AKAP7: variants seen among roughly 807,000 people sequenced by gnomAD.
The protein encoded by AKAP7 is A kinase (PRKA) anchor protein 7.
AKAP7 carries 39 observed loss-of-function variants against 39.5 expected under a neutral mutation model. The observed-to-expected ratio is 0.99, with a 90% CI of 0.76 to 1.29. The LOEUF (loss-of-function observed/expected upper bound fraction) is 1.29, where lower values mean the gene tolerates loss of function less well. Ranked by LOEUF, AKAP7 falls within the 50% of genes most tolerant of loss-of-function variation. The probability of loss-of-function intolerance (pLI) is 0.00; values close to 1 mark genes in which losing one functional copy is unlikely to be tolerated. For missense variants in AKAP7, 414 were observed against 407.7 expected (o/e 1.02, Z -0.13); for synonymous variants, 140 against 139.1 (o/e 1.01, Z -0.05).
At chr6:131,203,214 G>C (rs1585080317) in intron 6 of AKAP7, among the ~76,000 whole-genome samples, 1 of 152,276 alleles carries the variant, frequency 6.6e-6, no homozygotes, top group East Asian at 1.9e-4. Context: ...TTGGTATGTA[G>C]ATTATTTGAA....
At chr6:131,240,167 G>A (rs1811417481) in intron 7 of AKAP7, among the ~76,000 whole-genome samples, 1 of 152,184 alleles carries the variant, frequency 6.6e-6, no homozygotes. Context: ...TTTGCTGGAG[G>A]TCCACTCCAG....
At chr6:131,247,269 G>GTGTATATATATATATA (rs1244438178) in intron 7 of AKAP7, among the ~76,000 whole-genome samples, 1 of 91,928 alleles carries the variant, frequency 1.1e-5, no homozygotes, top group Non-Finnish European at 2.0e-5. Flanking sequence ...CATTTCATAT[G>GTGTATATATATATATA]TATATATATA....
intron 5 of AKAP7, among the ~76,000 whole-genome samples, chr6:131,176,966 G>T (rs1804645956): frequency 6.6e-6 from 1 of 152,122 alleles, no homozygotes; most frequent in Non-Finnish European, 1.5e-5. Flanking sequence ...TCACAGACCT[G>T]CACCATTGAG....
intron 6 of AKAP7, 38 bp downstream of exon 6, chr6:131,199,611 G>C (rs767828671): frequency 1.4e-6 from 2 of 1,429,642 alleles, no homozygotes; most frequent in Admixed American, 1.7e-5. Flanking sequence ...GTTTTACCAG[G>C]CCACACCAGC....
intron 2 of AKAP7, among the ~76,000 whole-genome samples, chr6:131,149,162 G>A (rs1016261095): frequency 2.0e-5 from 3 of 152,180 alleles, no homozygotes; most frequent in African/African-American, 7.2e-5. Context: ...TGGTCTGGTT[G>A]GGTGAGATGG....
chr6:131,217,402 CA>C (rs1006011873), intron 6 of AKAP7, among the ~76,000 whole-genome samples: 6 of 152,038 alleles, frequency 3.9e-5, no homozygotes, highest in African/African-American at 1.4e-4. Context: ...TATTGCCAAA[CA>C]AAAAATTTCT....
At chr6:131,178,282 C>G (rs1308568489) in intron 5 of AKAP7, among the ~76,000 whole-genome samples, 1 of 152,172 alleles carries the variant, frequency 6.6e-6, no homozygotes, top group African/African-American at 2.4e-5. Context: ...ACCTCCCAAT[C>G]CTTCAGTTTC....
At chr6:131,134,751 T>G (rs567175708), upstream of AKAP7, among the ~76,000 whole-genome samples, 1 of 152,320 alleles carries the variant, frequency 6.6e-6, no homozygotes, top group Admixed American at 6.5e-5. Flanking sequence ...GGGTCTTCTT[T>G]TCTTCCATCC....
chr6:131,218,255 A>G (rs1196666000), intron 6 of AKAP7, among the ~76,000 whole-genome samples: 1 of 152,238 alleles, frequency 6.6e-6, no homozygotes, highest in Non-Finnish European at 1.5e-5. Context: ...TAATTGGATG[A>G]ATAAATTATG....
At chr6:131,241,626 T>TGTGTGTATAC (rs1562238185) in intron 7 of AKAP7, among the ~76,000 whole-genome samples, 19 of 135,708 alleles carry the variant, frequency 1.4e-4, no homozygotes, top group Admixed American at 2.9e-4. Context: ...TGTGTGTGTG[T>TGTGTGTATAC]GTATATATAT....
intron 5 of AKAP7, among the ~76,000 whole-genome samples, chr6:131,188,749 C>T (rs1397165446): frequency 1.4e-5 from 2 of 142,058 alleles, no homozygotes; most frequent in African/African-American, 5.2e-5. Flanking sequence ...GACAGGGTTT[C>T]ACCATGTTGC....
At chr6:131,238,422 C>A (rs955785080) in intron 7 of AKAP7, among the ~76,000 whole-genome samples, 3 of 152,170 alleles carry the variant, frequency 2.0e-5, no homozygotes, top group Non-Finnish European at 4.4e-5. Context: ...TCTATTAGGT[C>A]TGCTTGGTGC....
chr6:131,264,538 A>T (rs1813622934), intron 7 of AKAP7, among the ~76,000 whole-genome samples: 1 of 152,176 alleles, frequency 6.6e-6, no homozygotes, highest in South Asian at 2.1e-4. Context: ...TTCCCATATT[A>T]TGTTTGCTTA....
the AKAP7 span, among the ~76,000 whole-genome samples, chr6:131,127,360 G>A: frequency 6.6e-6 from 1 of 152,122 alleles, no homozygotes; most frequent in Non-Finnish European, 1.5e-5. Flanking sequence ...CTTGACCATA[G>A]GTTGTATGTC....
intron 2 of AKAP7, among the ~76,000 whole-genome samples, chr6:131,157,326 C>G (rs548252351): frequency 1.3e-5 from 2 of 152,268 alleles, no homozygotes; most frequent in African/African-American, 4.8e-5. Context: ...ATCACACAGT[C>G]ACACAGCTAG....
chr6:131,241,737 G>T (rs1811642864), intron 7 of AKAP7, among the ~76,000 whole-genome samples: 1 of 151,852 alleles, frequency 6.6e-6, no homozygotes, highest in African/African-American at 2.4e-5. Context: ...CTTCAGATTT[G>T]CTTTGCAGCT....
chr6:131,140,820 T>C (rs1009302835), intron 1 of AKAP7, among the ~76,000 whole-genome samples: 1 of 152,238 alleles, frequency 6.6e-6, no homozygotes, highest in African/African-American at 2.4e-5. Flanking sequence ...AGGATGTGTA[T>C]TCATCTATGA....
intron 7 of AKAP7, among the ~76,000 whole-genome samples, chr6:131,266,009 G>GA (rs2128330273): frequency 6.6e-6 from 1 of 152,292 alleles, no homozygotes; most frequent in Non-Finnish European, 1.5e-5. Context: ...TAATGAGCAG[G>GA]ACACTAGATC....
At chr6:131,242,724 C>T (rs1368904563) in intron 7 of AKAP7, among the ~76,000 whole-genome samples, 2 of 152,064 alleles carry the variant, frequency 1.3e-5, no homozygotes, top group Non-Finnish European at 1.5e-5. Context: ...CTCCATTCTT[C>T]TTCCTAGTGA....
Sources: gnomAD v4.1 joint callset for allele counts (sites outside exome capture counted in the v4.1 genomes callset) on GRCh38, gnomAD v4.1.1 for gene constraint, MANE v1.5 for transcripts, NCBI Gene and HGNC (gene_info 2026-07-23, HGNC 2026-07-21) for gene names.